Variants in MEIS3 observed in about 807,000 individuals in gnomAD.
MEIS3 encodes the protein Meis homeobox 3.
A neutral mutation model predicts 51.4 loss-of-function variants in MEIS3; 38 were observed. That is an observed-to-expected ratio of 0.74 (90% CI 0.57 to 0.97). The LOEUF (loss-of-function observed/expected upper bound fraction) is 0.97, where lower values mean the gene tolerates loss of function less well. MEIS3 is among the 50% of genes least tolerant of loss of function. The pLI is 0.00. For synonymous variants in MEIS3, 198 were observed against 201.8 expected (o/e 0.98, Z 0.16); for missense variants, 456 against 502.6 (o/e 0.91, Z 0.89).
At chr19:47,407,292 C>A in intron 9 of MEIS3, 60 bp downstream of exon 9, 1 of 1,580,552 alleles carries the variant, frequency 6.3e-7, no homozygotes, top group South Asian at 1.1e-5. Flanking sequence ...CCGTCAGCAC[C>A]GCGGACAGCG....
chr19:47,407,660 T>C (rs1219366640), intron 8 of MEIS3: 2 of 782,018 alleles, frequency 2.6e-6, no homozygotes, highest in African/African-American at 1.9e-5. Context: ...AGAGGTTAAC[T>C]GGCCAGCTCT....
intron 8 of MEIS3, among the ~76,000 whole-genome samples, chr19:47,408,219 C>T (rs1309853606): frequency 6.6e-6 from 1 of 152,102 alleles, no homozygotes; most frequent in Non-Finnish European, 1.5e-5. Flanking sequence ...CTCAATCTCC[C>T]TGGCTCAAGC....
At chr19:47,420,908 T>A (rs374627833), upstream of MEIS3, among the ~76,000 whole-genome samples, 13,650 of 95,014 alleles carry the variant, frequency 0.14, 653 homozygotes, top group Admixed American at 0.21. Flanking sequence ...TCTCTCTCTC[T>A]CTCACACACA....
intron 6 of MEIS3, chr19:47,412,199 C>T (rs995105903): frequency 6.6e-6 from 1 of 152,194 alleles, no homozygotes; most frequent in African/African-American, 2.4e-5. Flanking sequence ...AGGATTTACC[C>T]TCTACCCAGA....
At chr19:47,412,631 G>C (rs1052257926) in intron 6 of MEIS3, among the ~76,000 whole-genome samples, 6 of 152,066 alleles carry the variant, frequency 3.9e-5, no homozygotes, top group Non-Finnish European at 5.9e-5. Flanking sequence ...GCGCGATCTT[G>C]GCTCACTGCA....
At chr19:47,415,295 A>G (rs1455503414) in intron 4 of MEIS3, among the ~76,000 whole-genome samples, 194 bp from the exon 5 acceptor site, 1 of 152,024 alleles carries the variant, frequency 6.6e-6, no homozygotes, top group Non-Finnish European at 1.5e-5. Flanking sequence ...GAGAACAGAG[A>G]TGCAGCCCAG....
chr19:47,406,946 C>T lies in MEIS3; in HGVS notation c.1020G>A (p.Glu340=). The T allele has an allele frequency of 1.3e-6, 2 of 1,578,130 alleles. No individual in the cohort carries two copies. Among genetic ancestry groups the T allele is most frequent in the Non-Finnish European group, 1.7e-6 (2 of 1,163,018 alleles). The change falls in exon 11 of 13, where the codon GAG becomes GAA. Residue 340 remains glutamate, a synonymous_variant. Transcript: ENST00000558555. Reference sequence around the variant, plus strand: ...CGGTATAGCCCCCGATGGGCTGGCCCTCTGGGCTGAAGGCTGCACCCTGCC... The same window carrying T: ...CGGTATAGCCCCCGATGGGCTGGCCTTCTGGGCTGAAGGCTGCACCCTGCC... ...RTGQGAAFSP[E]GQPIGGYTET...
At chr19:47,411,227 C>T (rs1343154868) in intron 6 of MEIS3, among the ~76,000 whole-genome samples, 6 of 152,158 alleles carry the variant, frequency 3.9e-5, no homozygotes, top group African/African-American at 4.8e-5. Flanking sequence ...TGAGCCACTG[C>T]GCCAGGCCCA....
chr19:47,415,692 G>C (rs914088212), intron 4 of MEIS3, among the ~76,000 whole-genome samples: 5 of 150,352 alleles, frequency 3.3e-5, no homozygotes, highest in African/African-American at 9.8e-5. Flanking sequence ...TCCTGCCTCA[G>C]CCTCCTGAGT....
rs990619036 is a variant in MEIS3 at position 47,405,597 on chromosome 19, C to T, written c.*17+863G>A. 1.9e-3 allele frequency among the ~76,000 whole-genome samples: 273 copies of T among 145,788 alleles called. 2 individuals are homozygous for T. The highest frequency in any genetic ancestry group is 1.3e-3 in the South Asian group (6 of 4,598). ...TTTTTTTTTTTTAGATGGAGTCTCA[C>T]TTTATTGCCCAGGTTGATCTTGGCT... On this transcript the variant is annotated intron_variant, in intron 12 of 12. Coordinates refer to ENST00000558555, the MANE Select transcript of MEIS3 (RefSeq NM_001301059.2).
At chr19:47,413,901 T>C (rs1971262212) in intron 6 of MEIS3, among the ~76,000 whole-genome samples, 2 of 151,676 alleles carry the variant, frequency 1.3e-5, no homozygotes, top group African/African-American at 2.4e-5. Flanking sequence ...CTAATTTTTT[T>C]TTTTTTTGTA....
intron 8 of MEIS3, among the ~76,000 whole-genome samples, chr19:47,408,572 C>G (rs372518099): frequency 1.3e-5 from 2 of 152,080 alleles, no homozygotes; most frequent in African/African-American, 2.4e-5. Context: ...GTGACTCGGC[C>G]TCTCCCTGTC....
chr19:47,415,069 G>A lies in MEIS3; in HGVS notation c.429C>T (p.His143=), dbSNP rs1227286540. The part of the protein sequence containing the change: ...MIQAIQVLRF[H]LLELEKVHDL... ...CGCTCACCTTCTCCAGCTCCAGCAG[G>A]TGGAACCGCAGCACCTGGATGGCCT... is the stretch of plus-strand genomic sequence containing the variant. Residue 143 remains histidine (H), a synonymous_variant, in exon 5 of 13, where the codon CAC becomes CAT. Coordinates refer to ENST00000558555, the MANE Select transcript of MEIS3 (RefSeq NM_001301059.2). 2 of 1,562,892 alleles carry A rather than the reference G, an allele frequency of 1.3e-6. No homozygotes were observed. Among genetic ancestry groups the A allele is most frequent in the Admixed American group, 1.9e-5 (1 of 51,348 alleles).
At chr19:47,415,191 GGAGACACA>G (rs1971351087) in intron 4 of MEIS3, 90 bp from the exon 5 acceptor site, 8 of 800,872 alleles carry the variant, frequency 1.0e-5, no homozygotes, top group Non-Finnish European at 1.7e-5. Flanking sequence ...AGGAGGAAGA[GGAGACACA>G]GAGAAACAGA....
intron 4 of MEIS3, 170 bp downstream of exon 4, chr19:47,416,482 G>A (rs950128614): frequency 2.4e-5 from 14 of 591,396 alleles, no homozygotes; most frequent in Middle Eastern, 4.5e-4. Context: ...CATGGGTCCC[G>A]TTCTCAGACT....
chr19:47,414,806 G>A lies in MEIS3; in HGVS notation c.508C>T (p.Pro170Ser). 1 of 1,613,210 alleles carries A rather than the reference G, an allele frequency of 6.2e-7. No homozygotes were observed. Among genetic ancestry groups the A allele is most frequent in the Non-Finnish European group, 8.5e-7 (1 of 1,179,746 alleles). ...CGATCCTCGATGACCAGGTCGATGG[G>A]CATCTTTCCCTTGAGGCAGGTGATG... is the stretch of plus-strand genomic sequence containing the variant. ...RYITCLKGKMPIDLVIEDRDG... is the reference protein window; with the variant it reads ...RYITCLKGKMSIDLVIEDRDG... Residue 170 changes from proline to serine, a missense_variant, in exon 6 of 13, where the codon CCC becomes TCC. Physicochemically the swap from Pro to Ser is moderately conservative, Grantham distance 74. Transcript: ENST00000558555.
chr19:47,406,859 CG>C, intron 11 of MEIS3, 28 bp downstream of exon 11: 1 of 1,541,754 alleles, frequency 6.5e-7, no homozygotes. Flanking sequence ...TGCGCAGGGG[CG>C]GGGCCTAGCT....
At chr19:47,416,749 C>T in intron 3 of MEIS3, 47 bp from the exon 4 acceptor site, 1 of 1,612,166 alleles carries the variant, frequency 6.2e-7, no homozygotes, top group Non-Finnish European at 8.5e-7. Context: ...CGCCTTCCAC[C>T]CACCCCTCCT....
intron 6 of MEIS3, among the ~76,000 whole-genome samples, chr19:47,411,733 G>T (rs1447142279): frequency 6.6e-6 from 1 of 151,096 alleles, no homozygotes; most frequent in African/African-American, 2.4e-5. Context: ...GTAGAGATGG[G>T]GTTTCACCAT....
Sources: allele counts gnomAD v4.1 joint callset (sites outside exome capture counted in the v4.1 genomes callset), GRCh38; gene constraint gnomAD v4.1.1; transcripts MANE v1.5; gene names NCBI Gene and HGNC (gene_info 2026-07-23, HGNC 2026-07-21).